Variants in ROPN1L observed in about 807,000 individuals in gnomAD.
ROPN1L encodes ropporin-1-like protein.
In ROPN1L, 23 loss-of-function variants were observed where a neutral mutation model predicts 22.7. That is an observed-to-expected ratio of 1.01 (90% confidence interval 0.73 to 1.43). The LOEUF (loss-of-function observed/expected upper bound fraction) is 1.43, where lower values mean the gene tolerates loss of function less well. Among genes scored for constraint, ROPN1L ranks in the 40% most tolerant of loss-of-function variants. ROPN1L has a pLI of 0.00. For synonymous variants in ROPN1L, 116 were observed against 117.8 expected (o/e 0.98, Z 0.10); for missense variants, 271 against 291.5 (o/e 0.93, Z 0.51).
downstream of ROPN1L, among the ~76,000 whole-genome samples, chr5:10,468,744 G>A (rs1016270956): frequency 6.6e-6 from 1 of 152,188 alleles, no homozygotes; most frequent in Admixed American, 6.5e-5. Flanking sequence ...GACCCTAACG[G>A]GATTGATAGG....
rs78308760 is a variant in ROPN1L at position 10,464,027 on chromosome 5, C to T, written c.594-821C>T. On this transcript the variant is annotated intron_variant, in intron 4 of 4. Transcript: ENST00000274134. ...AGGAGCTGGCGCTCAAGTGATCCGC[C>T]AGCCTCCGCCTCCCTTCCTGTGCCA... is the stretch of plus-strand genomic sequence containing the variant. Among the ~76,000 whole-genome samples, 982 of 152,322 alleles carry T rather than the reference C, an allele frequency of 6.4e-3. 8 individuals carry two copies. Among genetic ancestry groups the T allele is most frequent in the African/African-American group, 0.021 (893 of 41,572 alleles).
the ROPN1L span, among the ~76,000 whole-genome samples, chr5:10,477,795 T>TG: frequency 6.6e-6 from 1 of 152,108 alleles, no homozygotes; most frequent in Non-Finnish European, 1.5e-5. Flanking sequence ...CTGGGTATGG[T>TG]GGCGTTCACC....
intron 3 of ROPN1L, among the ~76,000 whole-genome samples, chr5:10,460,229 A>G (rs1734992195): frequency 6.6e-6 from 1 of 152,242 alleles, no homozygotes; most frequent in Non-Finnish European, 1.5e-5. Flanking sequence ...AAAAGATAGT[A>G]ATCTTATGTT....
the ROPN1L span, among the ~76,000 whole-genome samples, chr5:10,480,459 G>T: frequency 6.6e-6 from 1 of 151,872 alleles, no homozygotes; most frequent in Admixed American, 6.6e-5. Flanking sequence ...GGCACAGCCT[G>T]GAGAATCCTA....
chr5:10,463,366 A>C (rs190542342), intron 4 of ROPN1L, among the ~76,000 whole-genome samples: 6 of 152,192 alleles, frequency 3.9e-5, no homozygotes, highest in African/African-American at 1.4e-4. Context: ...TGCACTACCT[A>C]TGGGGAGGCA....
At chr5:10,479,600 C>T in the ROPN1L span, among the ~76,000 whole-genome samples, 1 of 152,208 alleles carries the variant, frequency 6.6e-6, no homozygotes, top group Admixed American at 6.5e-5. Flanking sequence ...CAGGCTGGGA[C>T]TCGGCTGGCA....
intron 3 of ROPN1L, among the ~76,000 whole-genome samples, chr5:10,459,137 C>G (rs1389761908): frequency 6.6e-6 from 1 of 151,732 alleles, no homozygotes; most frequent in Non-Finnish European, 1.5e-5. Context: ...TGCAGCTGTT[C>G]AGGCACCAAA....
intron 3 of ROPN1L, among the ~76,000 whole-genome samples, chr5:10,454,567 A>G (rs1242006432): frequency 6.6e-6 from 1 of 151,998 alleles, no homozygotes; most frequent in Non-Finnish European, 1.5e-5. Context: ...TTTCATCCCC[A>G]TACTGACACT....
chr5:10,479,022 C>T, the ROPN1L span, among the ~76,000 whole-genome samples: 1 of 152,194 alleles, frequency 6.6e-6, no homozygotes, highest in Non-Finnish European at 1.5e-5. Flanking sequence ...CCTTCGAAAT[C>T]AGCTATATTT....
At chr5:10,446,674 C>T (rs576516863) in intron 1 of ROPN1L, among the ~76,000 whole-genome samples, 5 of 114,450 alleles carry the variant, frequency 4.4e-5, no homozygotes, top group East Asian at 2.6e-4. Context: ...AAAAAAAAAG[C>T]GTCTCCAGAA....
intron 1 of ROPN1L, among the ~76,000 whole-genome samples, chr5:10,444,013 C>A (rs1054062314): frequency 3.3e-4 from 50 of 152,142 alleles, no homozygotes; most frequent in Non-Finnish European, 1.2e-4. Context: ...GACCTGGATA[C>A]CTTTGGGGCT....
At chr5:10,455,065 C>A (rs1025641850) in intron 3 of ROPN1L, among the ~76,000 whole-genome samples, 7 of 152,202 alleles carry the variant, frequency 4.6e-5, no homozygotes, top group African/African-American at 1.7e-4. Flanking sequence ...AGTGATTCAT[C>A]CCCTGGAAGG....
downstream of ROPN1L, among the ~76,000 whole-genome samples, chr5:10,469,697 C>T (rs890764009): frequency 6.6e-6 from 1 of 152,184 alleles, no homozygotes; most frequent in Non-Finnish European, 1.5e-5. Flanking sequence ...CAGGCAGCAA[C>T]GAGTGGCTTA....
downstream of ROPN1L, among the ~76,000 whole-genome samples, chr5:10,468,171 T>C (rs1340104871): frequency 3.3e-5 from 5 of 152,248 alleles, no homozygotes; most frequent in African/African-American, 4.8e-5. Context: ...ACTGTCACCA[T>C]TGGGGCTCCA....
intron 4 of ROPN1L, among the ~76,000 whole-genome samples, chr5:10,462,626 C>T (rs1265879267): frequency 6.6e-6 from 1 of 152,088 alleles, no homozygotes; most frequent in African/African-American, 2.4e-5. Flanking sequence ...GGGCACGGTG[C>T]CTCACGCCTG....
chr5:10,473,905 A>C (rs889991651), downstream of ROPN1L, among the ~76,000 whole-genome samples: 2 of 152,140 alleles, frequency 1.3e-5, no homozygotes, highest in African/African-American at 4.8e-5. Flanking sequence ...TAATCCCAAC[A>C]CTTTAGGAGG....
At chr5:10,468,973 G>A (rs1307208613), downstream of ROPN1L, among the ~76,000 whole-genome samples, 2 of 151,984 alleles carry the variant, frequency 1.3e-5, no homozygotes, top group Non-Finnish European at 2.9e-5. Flanking sequence ...GGCTAACACG[G>A]TGAAACCCCG....
chr5:10,446,547 G>C lies in ROPN1L; in HGVS notation c.132-1713G>C, dbSNP rs188672243. ...TTGGTGATGCACATGTGTAATCCCA[G>C]CTACTCAGGAGGCTGAGGCCGGAGA... On this transcript the variant is annotated intron_variant, in intron 1 of 4. Coordinates refer to ENST00000274134, the MANE Select transcript of ROPN1L (RefSeq NM_031916.5). 4.5e-3 allele frequency among the ~76,000 whole-genome samples: 691 copies of C among 152,140 alleles called. 1 individual carries two copies. Among genetic ancestry groups the C allele is most frequent in the African/African-American group, 0.016 (676 of 41,534 alleles).
chr5:10,474,642 G>C (rs1309274093), downstream of ROPN1L, among the ~76,000 whole-genome samples: 1 of 152,244 alleles, frequency 6.6e-6, no homozygotes, highest in African/African-American at 2.4e-5. Context: ...GAGGTTTCTT[G>C]CCAGGTGAAC....
Sources: gnomAD v4.1 joint callset for allele counts (sites outside exome capture counted in the v4.1 genomes callset) on GRCh38, gnomAD v4.1.1 for gene constraint, MANE v1.5 for transcripts, NCBI Gene and HGNC (gene_info 2026-07-23, HGNC 2026-07-21) for gene names.